AMMECR1: variants seen among roughly 807,000 people sequenced by gnomAD.
AMMECR1 encodes nuclear protein AMMECR1.
Under a neutral mutation model 22.5 loss-of-function variants are expected in AMMECR1, and 3 were observed. The ratio of observed to expected loss-of-function variants is 0.13; its 90% CI spans 0.06 to 0.35. The LOEUF (loss-of-function observed/expected upper bound fraction) is 0.35. Ranked by LOEUF, AMMECR1 falls within the 10% of genes least tolerant of loss-of-function variation. The pLI is 1.00. For missense variants in AMMECR1, 235 were observed against 278.7 expected (o/e 0.84, Z 1.12); for synonymous variants, 130 against 116.7 (o/e 1.11, Z -0.74).
At chrX:110,349,311 C>A (rs2068202482) in intron 2 of AMMECR1, among the ~76,000 whole-genome samples, 1 of 111,896 alleles carries the variant, frequency 8.9e-6, no homozygotes, top group Non-Finnish European at 1.9e-5. Context: ...TTATTTCTCA[C>A]AGTTTTGGAG....
chrX:110,286,625 T>C (rs2067881667), intron 1 of AMMECR1, among the ~76,000 whole-genome samples: 1 of 106,190 alleles, frequency 9.4e-6, no homozygotes. Flanking sequence ...TGAGCTGTGA[T>C]TGTGCCACTG....
intron 2 of AMMECR1, among the ~76,000 whole-genome samples, chrX:110,340,742 G>T (rs1305789748): frequency 2.7e-5 from 3 of 112,585 alleles, no homozygotes; most frequent in South Asian, 3.7e-4. Flanking sequence ...ATCACAGAAA[G>T]AAAATAATTC....
rs756608433 is a variant in AMMECR1, at chrX:110,394,582, G to T, written c.-148+32076C>A. On this transcript the variant is annotated intron_variant, in intron 2 of 7. Transcript: ENST00000372057. Reference sequence around the variant, plus strand: ...TACAGTAAAATTAGTTTTGTTATTCGTTGTTTCACTTAAAGTCCAGTTCCC... The same window carrying T: ...TACAGTAAAATTAGTTTTGTTATTCTTTGTTTCACTTAAAGTCCAGTTCCC... Among the ~76,000 whole-genome samples the T allele has an allele frequency of 2.7e-5, 3 of 112,576 alleles. No individual in the cohort carries two copies. The East Asian group carries it at 8.3e-4, about 31-fold the overall frequency.
At chrX:110,366,235 T>TG (rs1410299251) in intron 2 of AMMECR1, among the ~76,000 whole-genome samples, 1 of 111,990 alleles carries the variant, frequency 8.9e-6, no homozygotes, top group East Asian at 2.8e-4. Flanking sequence ...GGATTGATGT[T>TG]GATAGTATTA....
chrX:110,314,971 G>A (rs1020007506), intron 1 of AMMECR1, among the ~76,000 whole-genome samples: 5 of 111,642 alleles, frequency 4.5e-5, no homozygotes, highest in Non-Finnish European at 9.4e-5. Flanking sequence ...TGAAAAGAGT[G>A]TGCGTTTACG....
rs189507608 is a variant in AMMECR1 at position 110,330,832 on chromosome X, A to T, written c.-147-12983T>A. ...TATTACCTTTGCCTACTGTGTTGCC[A>T]ACTTATTTCTCACTTTATGTTTACT... On this transcript the variant is annotated intron_variant, in intron 2 of 7. Transcript: ENST00000372057. 2.7e-5 allele frequency among the ~76,000 whole-genome samples: 3 copies of T among 111,321 alleles called. No homozygotes were observed. The East Asian group carries it at 8.5e-4, about 32-fold the overall frequency.
chrX:110,326,166 A>G (rs2068097120), intron 2 of AMMECR1, among the ~76,000 whole-genome samples: 1 of 110,257 alleles, frequency 9.1e-6, no homozygotes, highest in African/African-American at 3.3e-5. Flanking sequence ...ATTTTTTTGT[A>G]TTTTTAGTAG....
At chrX:110,264,449 T>C (rs1230490003) in intron 2 of AMMECR1, 40 bp downstream of exon 2, 13 of 804,802 alleles carry the variant, frequency 1.6e-5, no homozygotes, top group Non-Finnish European at 2.2e-5. Flanking sequence ...AAGTTTTTTT[T>C]TTTAATGTAA....
intron 2 of AMMECR1, among the ~76,000 whole-genome samples, chrX:110,405,578 A>G (rs1190709215): frequency 2.7e-5 from 3 of 112,010 alleles, no homozygotes; most frequent in Non-Finnish European, 5.6e-5. Flanking sequence ...AATGCTAGCA[A>G]TAGTCATTCT....
chrX:110,367,882 C>T (rs1431327864), intron 2 of AMMECR1, among the ~76,000 whole-genome samples: 1 of 109,779 alleles, frequency 9.1e-6, no homozygotes, highest in African/African-American at 3.3e-5. Flanking sequence ...AATCATAGCT[C>T]ACTATAACTT....
chrX:110,296,646 C>T (rs1278295459), intron 1 of AMMECR1, among the ~76,000 whole-genome samples: 1 of 111,122 alleles, frequency 9.0e-6, no homozygotes, highest in Non-Finnish European at 1.9e-5. Context: ...CGTTGATGAA[C>T]CCTTTTAATA....
intron 3 of AMMECR1, among the ~76,000 whole-genome samples, chrX:110,210,752 G>A (rs1034572206): frequency 1.8e-5 from 2 of 112,177 alleles, no homozygotes; most frequent in African/African-American, 6.5e-5. Context: ...TCACTCAAGA[G>A]GTGTGCCTTG....
chrX:110,321,657 G>A (rs1386494197), upstream of AMMECR1, among the ~76,000 whole-genome samples: 2 of 110,887 alleles, frequency 1.8e-5, no homozygotes, highest in East Asian at 5.6e-4. Flanking sequence ...ATTATAATTC[G>A]ATGAGGTGGT....
chrX:110,295,857 GTCAT>G (rs2067932965), intron 1 of AMMECR1, among the ~76,000 whole-genome samples: 1 of 111,495 alleles, frequency 9.0e-6, no homozygotes, highest in Admixed American at 9.5e-5. Flanking sequence ...TGCTATTACT[GTCAT>G]TCAAATTACA....
intron 2 of AMMECR1, among the ~76,000 whole-genome samples, chrX:110,364,180 T>C (rs2068282277): frequency 9.0e-6 from 1 of 111,203 alleles, no homozygotes; most frequent in African/African-American, 3.3e-5. Flanking sequence ...TTCCAATCCC[T>C]GCCTCTGTCT....
intron 2 of AMMECR1, among the ~76,000 whole-genome samples, chrX:110,264,121 T>C (rs2067755413): frequency 9.0e-6 from 1 of 111,126 alleles, no homozygotes; most frequent in African/African-American, 3.3e-5. Context: ...AGACAACAAC[T>C]ATTTTTAAAA....
chrX:110,436,976 T>C (rs778095381), intron 1 of AMMECR1, among the ~76,000 whole-genome samples: 1 of 112,325 alleles, frequency 8.9e-6, no homozygotes, highest in Non-Finnish European at 1.9e-5. Context: ...TTCTGGACCC[T>C]GATCTCCCAG....
intron 2 of AMMECR1, among the ~76,000 whole-genome samples, chrX:110,257,232 A>G (rs1183247765): frequency 8.9e-6 from 1 of 112,611 alleles, no homozygotes; most frequent in Non-Finnish European, 1.9e-5. Flanking sequence ...ACTATCGCAG[A>G]CAATGACTCT....
rs1005317650 is a variant in AMMECR1 at position 110,197,939 on chromosome X, A to G, written c.*581T>C. The G allele has an allele frequency of 2.7e-5, 3 of 112,165 alleles. No individual in the cohort carries two copies. The highest frequency in any genetic ancestry group is 5.6e-5 in the Non-Finnish European group (3 of 53,153). 9.2% of individuals were successfully genotyped at this position (112,165 alleles called of 1,213,427 possible). On this transcript the variant is annotated 3_prime_UTR_variant, in exon 6 of 6. Transcript: ENST00000262844. ...CATATACTTAAGGAGTGAAGACCCA[A>G]CTACTAGGCTGTCATAGCAAAGTGA...
Sources: allele counts gnomAD v4.1 joint callset (sites outside exome capture counted in the v4.1 genomes callset), GRCh38; gene constraint gnomAD v4.1.1; transcripts MANE v1.5; gene names NCBI Gene and HGNC (gene_info 2026-07-23, HGNC 2026-07-21).